The following HECTD4 variants were observed in gnomAD, a reference collection of about 807,000 sequenced individuals.
The protein encoded by HECTD4 is HECT domain E3 ubiquitin protein ligase 4.
In HECTD4, 114 loss-of-function variants were observed where a neutral mutation model predicts 471.5. The observed-to-expected ratio is 0.24, with a 90% confidence interval of 0.21 to 0.28. The LOEUF (loss-of-function observed/expected upper bound fraction) is 0.28. HECTD4 is among the 10% of genes least tolerant of loss of function. The probability of loss-of-function intolerance (pLI) is 1.00; values close to 1 mark genes in which losing one functional copy is unlikely to be tolerated. For synonymous variants in HECTD4, 2,012 were observed against 2,256.0 expected (o/e 0.89, Z 3.07); for missense variants, 3,866 against 5,651.5 (o/e 0.68, Z 10.13).
intron 1 of HECTD4, among the ~76,000 whole-genome samples, chr12:112,343,334 A>T (rs758404608): frequency 3.9e-5 from 6 of 152,256 alleles, no homozygotes; most frequent in Non-Finnish European, 8.8e-5. Context: ...ATTTCTAAAT[A>T]AATTAATTAA....
intron 29 of HECTD4, among the ~76,000 whole-genome samples, chr12:112,244,624 G>C (rs562655542): frequency 6.6e-6 from 1 of 152,290 alleles, no homozygotes; most frequent in African/African-American, 2.4e-5. Flanking sequence ...GCCCACCTTG[G>C]CCTCCCAAAG....
At chr12:112,242,646 A>G (rs1332837256) in intron 32 of HECTD4, among the ~76,000 whole-genome samples, 1 of 150,806 alleles carries the variant, frequency 6.6e-6, no homozygotes, top group African/African-American at 2.4e-5. Context: ...ACGGTGGCTC[A>G]TGCCTGTAAT....
In HECTD4 at chr12:112,217,141, T is replaced by C. The variant is rs1163442951; in HGVS notation, c.7129A>G (p.Met2377Val). The change falls in exon 46 of 76, where the codon ATG (methionine) becomes GTG (valine). Residue 2377 changes from methionine to valine, a missense_variant. By Grantham distance (21) the Met-to-Val change is conservative. Coordinates refer to ENST00000682272, the MANE Select transcript of HECTD4 (RefSeq NM_001388303.1). ...ACTGAGGTAAGGTGAGATGAGAACA[T>C]GCAGGCTCGAACAGGCGGAAACACT... is the stretch of plus-strand genomic sequence containing the variant. ...SRVFPPVRAC[M>V]FSSHLTSVTF... The C allele has an allele frequency of 1.9e-6, 3 of 1,583,050 alleles. No individual in the cohort carries two copies. Among genetic ancestry groups the C allele is most frequent in the Non-Finnish European group, 1.7e-6 (2 of 1,164,784 alleles).
Position 112,195,028 on chromosome 12 carries a change from T to C in HECTD4, c.8606A>G (p.Tyr2869Cys). 3 of 1,609,218 alleles carry C rather than the reference T, an allele frequency of 1.9e-6. No individual in the cohort carries two copies. The highest frequency in any genetic ancestry group is 2.5e-6 in the Non-Finnish European group (3 of 1,177,960). Residue 2869 changes from tyrosine (Y) to cysteine (C), a missense_variant, in exon 56 of 76, where the codon TAC becomes TGC. Coordinates refer to ENST00000682272, the MANE Select transcript of HECTD4 (RefSeq NM_001388303.1). ...LRCEAALARL[Y>C]CRMALLNIFA... ...GATATTGAGCAGGGCCATGCGGCAG[T>C]ACAGCCTGGCCAGCGCAGCCTCGCA... is the stretch of plus-strand genomic sequence containing the variant.
chr12:112,191,512 G>A (rs2032077681), intron 59 of HECTD4, among the ~76,000 whole-genome samples: 1 of 152,154 alleles, frequency 6.6e-6, no homozygotes, highest in Non-Finnish European at 1.5e-5. Flanking sequence ...GAAGGTCCAA[G>A]GCTTGATCCC....
Position 112,163,850 on chromosome 12 carries a change from C to T in HECTD4, c.12702-113G>A, listed in dbSNP as rs1324025697. On this transcript the variant is annotated intron_variant, in intron 73 of 75. Transcript: ENST00000682272. This position sits in a 1 kb window ranked among gnomAD's most constrained non-coding sequence, Gnocchi z 8.2. The stretch of plus-strand genomic sequence containing the variant: ...TCCTCTCTTGGGAGAGGCCTGGGGC[C>T]CAGCCGCCCTGGTCATCCCAGTCCT... 1.9e-6 allele frequency: 2 copies of T among 1,038,552 alleles called. No individual in the cohort carries two copies. Among genetic ancestry groups the T allele is most frequent in the Non-Finnish European group, 2.6e-6 (2 of 761,562 alleles). The allele number at this position is 1,038,552 out of a possible 1,614,324, so 64.3% of individuals were successfully genotyped here.
At chr12:112,176,549 G>A (rs556039208) in intron 65 of HECTD4, 47 bp downstream of exon 65, 11 of 1,347,024 alleles carry the variant, frequency 8.2e-6, no homozygotes, top group Non-Finnish European at 1.1e-5. Context: ...TAGTCTCCAG[G>A]ATGGAAGTAG....
chr12:112,343,443 A>G (rs974155974), intron 1 of HECTD4, among the ~76,000 whole-genome samples: 7 of 152,210 alleles, frequency 4.6e-5, no homozygotes, highest in Non-Finnish European at 1.0e-4. Context: ...AAACATTTGA[A>G]GGTACAAAAA....
chr12:112,173,480 C>T lies in HECTD4; in HGVS notation c.11595-619G>A, dbSNP rs2137010527. Among the ~76,000 whole-genome samples the T allele has an allele frequency of 6.6e-6, 1 of 152,154 alleles. No homozygotes were observed. The highest frequency in any genetic ancestry group is 2.1e-4 in the South Asian group (1 of 4,816). On this transcript the variant is annotated intron_variant, in intron 66 of 75. Transcript: ENST00000682272. This position sits in a 1 kb window ranked among gnomAD's most constrained non-coding sequence, Gnocchi z 4.3. ...TCTCAGCTCACTGCAAGCTCTGCCT[C>T]CTGGGTTCACGCCATTCTTCTGCCT...
chr12:112,378,216 T>C (rs2036819552), intron 1 of HECTD4, among the ~76,000 whole-genome samples: 1 of 152,114 alleles, frequency 6.6e-6, no homozygotes, highest in Non-Finnish European at 1.5e-5. Flanking sequence ...TCTAAAATTC[T>C]AAGACTCTTT....
At position 112,231,634 on chromosome 12, in the gene HECTD4, C is replaced by T. The variant is rs774653504; in HGVS notation, c.6079G>A (p.Val2027Ile). ...GACTCTACAGGTGGCCCAATGCTGA[C>T]GATGAGGCCTGACTGTGCCCACTTG... ...ATKWAQSGLI[V>I]SIGPPVESIN... Residue 2027 changes from valine (V) to isoleucine (I), a missense_variant, in exon 39 of 76, where the codon GTC (valine) becomes ATC (isoleucine). Around this residue, in one of 16 missense-constraint regions of HECTD4, gnomAD observed 617 missense variants for 915.1 expected, o/e 0.67. Transcript: ENST00000682272. 24 of 1,613,760 alleles carry T rather than the reference C, an allele frequency of 1.5e-5. No homozygotes were observed. The highest frequency in any genetic ancestry group is 1.7e-4 in the Middle Eastern group (1 of 6,036).
Position 112,208,537 on chromosome 12 carries a change from G to T in HECTD4, c.7961C>A (p.Ala2654Glu). The change falls in exon 51 of 76, where the codon GCA becomes GAA. Residue 2654 changes from alanine (A) to glutamate (E), a missense_variant. This residue lies in a region of HECTD4 where 266 missense variants were observed against 441.6 expected (regional missense o/e 0.60). Transcript: ENST00000682272. ...SGPDPHPPPI[A>E]DDESDDDDDD... Reference sequence around the variant, plus strand: ...GTCATCATCATCGCTTTCATCATCTGCAATGGGAGGCGGGTGAGGGTCTGG... The same window carrying T: ...GTCATCATCATCGCTTTCATCATCTTCAATGGGAGGCGGGTGAGGGTCTGG... 6.2e-7 allele frequency: 1 copy of T among 1,604,038 alleles called. No homozygotes were observed. The highest frequency in any genetic ancestry group is 8.5e-7 in the Non-Finnish European group (1 of 1,176,936).
intron 1 of HECTD4, among the ~76,000 whole-genome samples, chr12:112,342,568 T>C (rs1342324550): frequency 6.6e-6 from 1 of 152,204 alleles, no homozygotes; most frequent in Non-Finnish European, 1.5e-5. Flanking sequence ...ATTATTGAAG[T>C]AAAATATATA....
chr12:112,204,822 A>C (rs1355674057), intron 52 of HECTD4, among the ~76,000 whole-genome samples, 199 bp from the exon 53 acceptor site: 1 of 152,102 alleles, frequency 6.6e-6, no homozygotes, highest in African/African-American at 2.4e-5. Flanking sequence ...GAATGTCTCA[A>C]ATCTCTTCCA....
intron 54 of HECTD4, chr12:112,201,127 C>T (rs759060550): frequency 4.2e-5 from 19 of 453,828 alleles, no homozygotes; most frequent in South Asian, 1.1e-4. Context: ...GGAGTCTCAC[C>T]GTGTCATCCA....
chr12:112,273,814 G>T lies in HECTD4; in HGVS notation c.1802-19C>A. ...CACGCTCCTGCAAAAAGAGCATACTGTATTCAGTCACCATGCCACCAGCTA... is the reference window on the plus strand; with the variant it reads ...CACGCTCCTGCAAAAAGAGCATACTTTATTCAGTCACCATGCCACCAGCTA... On this transcript the variant is annotated intron_variant, in intron 10 of 75. Transcript: ENST00000682272. 6.2e-7 allele frequency: 1 copy of T among 1,611,790 alleles called. No individual in the cohort carries two copies. Among genetic ancestry groups the T allele is most frequent in the Non-Finnish European group, 8.5e-7 (1 of 1,178,974 alleles).
rs997598900 is a variant in HECTD4 at position 112,366,564 on chromosome 12, G to A, written c.177+15388C>T. 7.3e-5 allele frequency among the ~76,000 whole-genome samples: 11 copies of A among 151,266 alleles called. 1 individual carries two copies. Among genetic ancestry groups the A allele is most frequent in the Non-Finnish European group, 2.9e-5 (2 of 67,906 alleles). On this transcript the variant is annotated intron_variant, in intron 1 of 75. Coordinates refer to ENST00000682272, the MANE Select transcript of HECTD4 (RefSeq NM_001388303.1). ...TTTTGAAAAAATTGCCTGTTGCTGGGCGCAACATTCTTAATTATTTCAACA... is the reference window on the plus strand; with the variant it reads ...TTTTGAAAAAATTGCCTGTTGCTGGACGCAACATTCTTAATTATTTCAACA...
chr12:112,209,342 T>C (rs2032691858), intron 50 of HECTD4, among the ~76,000 whole-genome samples: 1 of 152,068 alleles, frequency 6.6e-6, no homozygotes, highest in East Asian at 1.9e-4. Context: ...TTTTTTTTTT[T>C]TGAGATGGAG....
At position 112,162,483 on chromosome 12, in the gene HECTD4, C is replaced by CA; in HGVS notation, c.13160dup (p.Met4387IlefsTer27). On this transcript the variant is annotated frameshift_variant, in exon 76 of 76. Transcript: ENST00000682272. LOFTEE classifies it high-confidence loss of function. This position sits in a 1 kb window ranked among gnomAD's most constrained non-coding sequence, Gnocchi z 5.2. ...AGTACTGGGGAAGCTTGATCATGAACATGCAGGTCTCCACGCGGATGTAGC... is the reference window on the plus strand; with the variant it reads ...AGTACTGGGGAAGCTTGATCATGAACAATGCAGGTCTCCACGCGGATGTAGC... The CA allele has an allele frequency of 6.2e-7, 1 of 1,614,032 alleles. No individual in the cohort carries two copies. Among genetic ancestry groups the CA allele is most frequent in the East Asian group, 2.2e-5 (1 of 44,872 alleles).
Sources: allele counts gnomAD v4.1 joint callset (sites outside exome capture counted in the v4.1 genomes callset), GRCh38; gene constraint gnomAD v4.1.1; regional missense constraint gnomAD v4.1.1; non-coding constraint Gnocchi (gnomAD v3.1); transcripts MANE v1.5; gene names NCBI Gene and HGNC (gene_info 2026-07-23, HGNC 2026-07-21).